Variants in DLGAP4 observed in about 807,000 individuals in gnomAD.
DLGAP4 encodes disks large-associated protein 4.
A neutral mutation model predicts 86.9 loss-of-function variants in DLGAP4; 18 were observed. That is an observed-to-expected ratio of 0.21 (90% CI 0.14 to 0.31). The LOEUF (loss-of-function observed/expected upper bound fraction) is 0.31, where lower values mean the gene tolerates loss of function less well. Among genes scored for constraint, DLGAP4 ranks in the 10% least tolerant of loss-of-function variants. The pLI is 1.00. For synonymous variants in DLGAP4, 548 were observed against 574.3 expected (o/e 0.95, Z 0.65); for missense variants, 1,085 against 1,362.6 (o/e 0.80, Z 3.21).
intron 7 of DLGAP4, among the ~76,000 whole-genome samples, chr20:36,467,034 C>G (rs1377865199): frequency 4.0e-5 from 5 of 124,242 alleles, no homozygotes; most frequent in Admixed American, 7.5e-5. Context: ...CTCTCTCTCT[C>G]TCTCTCTCTC....
At position 36,517,947 on chromosome 20, in the gene DLGAP4, C is replaced by T. The variant is rs537355349; in HGVS notation, c.2513-6303C>T. On this transcript the variant is annotated intron_variant, in intron 10 of 12. Coordinates refer to ENST00000339266, the MANE Select transcript of DLGAP4 (RefSeq NM_001365621.2). ...AAGGAATTTAACAACAGGATTTTGC[C>T]AGGTGCAGTGGCCCACACCTGTAAT... Among the ~76,000 whole-genome samples the T allele has an allele frequency of 2.6e-5, 4 of 152,254 alleles. No homozygotes were observed. The South Asian group carries it at 8.3e-4, about 32-fold the overall frequency.
At chr20:36,310,212 G>GA (rs1569450328) in intron 1 of DLGAP4, among the ~76,000 whole-genome samples, 25 of 3,442 alleles carry the variant, frequency 7.3e-3, no homozygotes, top group South Asian at 0.017. Context: ...AAGAAAGAAA[G>GA]AAAGAAAGAA....
At chr20:36,388,882 G>C (rs1490458589) in intron 2 of DLGAP4, among the ~76,000 whole-genome samples, 1 of 152,212 alleles carries the variant, frequency 6.6e-6, no homozygotes, top group Non-Finnish European at 1.5e-5. Flanking sequence ...GCTGAAAGGG[G>C]CACCCAGATG....
intron 1 of DLGAP4, among the ~76,000 whole-genome samples, chr20:36,319,905 C>T (rs1263109652): frequency 6.6e-6 from 1 of 152,036 alleles, no homozygotes; most frequent in Non-Finnish European, 1.5e-5. Context: ...AGCAAGGTAG[C>T]GGGGAGAGTC....
intron 2 of DLGAP4, among the ~76,000 whole-genome samples, chr20:36,412,089 A>G (rs955929701): frequency 6.6e-6 from 1 of 152,266 alleles, no homozygotes; most frequent in Non-Finnish European, 1.5e-5. Flanking sequence ...TTAAGGGCTG[A>G]GGCCATCTGA....
Position 36,417,598 on chromosome 20 carries a change from G to A in DLGAP4, c.-72-14048G>A, listed in dbSNP as rs575219671. Reference sequence around the variant, plus strand: ...AGGGTCTCACTATGCTGCCCAGACAGGTCTCAAACTGCTGGGCTCAAGTGA... The same window carrying A: ...AGGGTCTCACTATGCTGCCCAGACAAGTCTCAAACTGCTGGGCTCAAGTGA... On this transcript the variant is annotated intron_variant, in intron 2 of 12. Coordinates refer to ENST00000339266, the MANE Select transcript of DLGAP4 (RefSeq NM_001365621.2). 2.6e-5 allele frequency among the ~76,000 whole-genome samples: 4 copies of A among 152,088 alleles called. No individual in the cohort carries two copies. In the South Asian group the frequency reaches 8.3e-4, roughly 32 times the overall value.
At chr20:36,317,249 T>TA (rs1173841787) in intron 1 of DLGAP4, among the ~76,000 whole-genome samples, 2 of 56,012 alleles carry the variant, frequency 3.6e-5, no homozygotes, top group Non-Finnish European at 6.2e-5. Context: ...CTTTCTTTCT[T>TA]TCTTTCTTTC....
intron 7 of DLGAP4, among the ~76,000 whole-genome samples, chr20:36,484,197 T>C (rs1423730329): frequency 6.6e-6 from 1 of 152,138 alleles, no homozygotes; most frequent in Non-Finnish European, 1.5e-5. Context: ...GGTGAAGAGT[T>C]GGTGAGCCGA....
intron 12 of DLGAP4, 43 bp downstream of exon 12, chr20:36,526,049 C>A (rs1352497994): frequency 1.2e-6 from 2 of 1,613,026 alleles, no homozygotes; most frequent in Admixed American, 1.7e-5. Flanking sequence ...GGGACAAATT[C>A]CTGGTCGGCA....
intron 10 of DLGAP4, among the ~76,000 whole-genome samples, chr20:36,510,357 G>A (rs1435694102): frequency 6.6e-6 from 1 of 152,014 alleles, no homozygotes; most frequent in Non-Finnish European, 1.5e-5. Flanking sequence ...TCTGCTTCCC[G>A]GGTTCAAGCG....
chr20:36,466,983 C>T (rs939215952), intron 7 of DLGAP4, among the ~76,000 whole-genome samples: 2 of 149,860 alleles, frequency 1.3e-5, no homozygotes, highest in East Asian at 3.9e-4. Flanking sequence ...TCCTCTCTCT[C>T]TCTCTCTGTC....
chr20:36,410,911 CT>C (rs1357043444), intron 2 of DLGAP4, among the ~76,000 whole-genome samples: 1 of 152,214 alleles, frequency 6.6e-6, no homozygotes. Flanking sequence ...CCTTCATTGG[CT>C]CTCCTTGTGT....
chr20:36,421,662 T>C (rs6063011), intron 2 of DLGAP4, among the ~76,000 whole-genome samples: 89,401 of 151,332 alleles, frequency 0.59, 26,478 homozygotes, highest in Middle Eastern at 0.65. Flanking sequence ...GCTGGGGTAG[T>C]GAAAGAGGAG....
intron 2 of DLGAP4, among the ~76,000 whole-genome samples, chr20:36,392,067 C>T (rs1194664918): frequency 6.6e-6 from 1 of 152,126 alleles, no homozygotes; most frequent in African/African-American, 2.4e-5. Context: ...GGCTTGGGGT[C>T]GTGTCCCGAA....
intron 2 of DLGAP4, among the ~76,000 whole-genome samples, chr20:36,402,490 G>C (rs772616884): frequency 1.7e-4 from 26 of 152,156 alleles, no homozygotes; most frequent in African/African-American, 5.8e-4. Flanking sequence ...GCTCATGCCT[G>C]TCATCCCAGC....
chr20:36,376,934 C>T (rs193259639), intron 2 of DLGAP4, among the ~76,000 whole-genome samples: 5 of 152,244 alleles, frequency 3.3e-5, no homozygotes, highest in East Asian at 3.9e-4. Flanking sequence ...TGCTTGGTGA[C>T]GGGAAGTAAT....
Position 36,432,052 on chromosome 20 carries a change from T to G in DLGAP4, c.335T>G (p.Leu112Arg), listed in dbSNP as rs41283436. 2.0e-5 allele frequency: 32 copies of G among 1,614,104 alleles called. No individual in the cohort carries two copies. The highest frequency in any genetic ancestry group is 2.7e-5 in the Non-Finnish European group (32 of 1,180,024). Reference sequence around the variant, plus strand: ...CTCCTGGACCAGTTTGAGAAGCAGCTGCCCATCCACCGTGATGGCTTCAGC... The same window carrying G: ...CTCCTGGACCAGTTTGAGAAGCAGCGGCCCATCCACCGTGATGGCTTCAGC... Reference protein sequence around the residue: ...ANLLDQFEKQLPIHRDGFSTL... With the variant: ...ANLLDQFEKQRPIHRDGFSTL... Residue 112 changes from leucine to arginine, a missense_variant, in exon 3 of 13, where the codon CTG (leucine) becomes CGG (arginine). By Grantham distance (102) the Leu-to-Arg change is moderately radical. Coordinates refer to ENST00000339266, the MANE Select transcript of DLGAP4 (RefSeq NM_001365621.2). The surrounding 1 kb of genome is among the most constrained non-coding windows in gnomAD (Gnocchi z 6.5).
intron 2 of DLGAP4, among the ~76,000 whole-genome samples, chr20:36,403,050 G>A (rs900066434): frequency 6.6e-6 from 1 of 152,230 alleles, no homozygotes; most frequent in Admixed American, 6.5e-5. Context: ...GCCCAAGGCT[G>A]TGTAGCTGGC....
chr20:36,455,778 C>T (rs1265504766), intron 7 of DLGAP4, among the ~76,000 whole-genome samples: 1 of 152,102 alleles, frequency 6.6e-6, no homozygotes, highest in East Asian at 1.9e-4. Flanking sequence ...CCCTAACCTC[C>T]CCCCGGCACC....
Sources: gnomAD v4.1 joint callset for allele counts (sites outside exome capture counted in the v4.1 genomes callset) on GRCh38, gnomAD v4.1.1 for gene constraint, Gnocchi (gnomAD v3.1) non-coding constraint, MANE v1.5 for transcripts, NCBI Gene and HGNC (gene_info 2026-07-23, HGNC 2026-07-21) for gene names.